The following DPYD variants were observed in gnomAD, a reference collection of about 807,000 sequenced individuals.
DPYD encodes the protein dihydropyrimidine dehydrogenase [NADP(+)].
Under a neutral mutation model 116.2 loss-of-function variants are expected in DPYD, and 109 were observed. The observed-to-expected ratio is 0.94, with a 90% confidence interval of 0.80 to 1.10. The LOEUF (loss-of-function observed/expected upper bound fraction) is 1.10. Ranked by LOEUF, DPYD falls within the 50% of genes least tolerant of loss-of-function variation. The pLI, the probability that DPYD is intolerant of heterozygous loss-of-function variation, is 0.00. For missense variants in DPYD, 1,302 were observed against 1,254.5 expected, an observed-to-expected ratio of 1.04 and a Z score of -0.57; for synonymous variants, 440 against 432.0, an observed-to-expected ratio of 1.02 and a Z score of -0.23.
Position 97,328,045 on chromosome 1 carries a change from T to C in DPYD, c.2059-21748A>G, listed in dbSNP as rs562255732. Among the ~76,000 whole-genome samples, 5 of 151,900 alleles carry C rather than the reference T, an allele frequency of 3.3e-5. No individual in the cohort carries two copies. The South Asian group carries it at 1.0e-3, about 31-fold the overall frequency. On this transcript the variant is annotated intron_variant, in intron 16 of 22. Coordinates refer to ENST00000370192, the MANE Select transcript of DPYD (RefSeq NM_000110.4). ...ACAAGGGCAACTGATGAAGGAGATATAAGTGGGTATTTCAGTTGATGCACG... is the reference window on the plus strand; with the variant it reads ...ACAAGGGCAACTGATGAAGGAGATACAAGTGGGTATTTCAGTTGATGCACG...
chr1:97,897,465 C>T (rs1309408399), intron 1 of DPYD, among the ~76,000 whole-genome samples: 1 of 151,756 alleles, frequency 6.6e-6, no homozygotes, highest in Non-Finnish European at 1.5e-5. Flanking sequence ...TTCTCTCCTC[C>T]CACTGCTTCA....
At chr1:97,338,184 CAT>C (rs1233419473) in intron 16 of DPYD, among the ~76,000 whole-genome samples, 1 of 152,042 alleles carries the variant, frequency 6.6e-6, no homozygotes, top group Admixed American at 6.6e-5. Context: ...AAATTAGATT[CAT>C]TAGAGATAAT....
chr1:97,713,167 C>A (rs1179416366), intron 5 of DPYD, among the ~76,000 whole-genome samples: 1 of 151,902 alleles, frequency 6.6e-6, no homozygotes, highest in Non-Finnish European at 1.5e-5. Flanking sequence ...CATGTTGATA[C>A]AATAATATTG....
At chr1:97,163,746 T>G (rs1040279580) in intron 20 of DPYD, among the ~76,000 whole-genome samples, 18 of 152,172 alleles carry the variant, frequency 1.2e-4, no homozygotes, top group African/African-American at 4.3e-4. Context: ...ATTCATGAGT[T>G]TGGAGCCCTC....
chr1:97,482,963 G>A (rs1238858087), intron 13 of DPYD, among the ~76,000 whole-genome samples: 1 of 152,152 alleles, frequency 6.6e-6, no homozygotes, highest in East Asian at 1.9e-4. Context: ...ATAGCAGTCT[G>A]TAATCTCATT....
At chr1:97,207,852 T>C (rs1659751628) in intron 19 of DPYD, among the ~76,000 whole-genome samples, 1 of 152,200 alleles carries the variant, frequency 6.6e-6, no homozygotes, top group South Asian at 2.1e-4. Context: ...TCAGGACTAA[T>C]GTTTTCATTT....
chr1:97,215,229 G>A (rs1303643152), intron 19 of DPYD, among the ~76,000 whole-genome samples: 1 of 152,254 alleles, frequency 6.6e-6, no homozygotes, highest in Non-Finnish European at 1.5e-5. Flanking sequence ...ATGTTCACAC[G>A]TCTAGTAAGC....
intron 3 of DPYD, among the ~76,000 whole-genome samples, chr1:97,816,794 C>T (rs545148626): frequency 6.6e-6 from 1 of 152,064 alleles, no homozygotes; most frequent in Non-Finnish European, 1.5e-5. Flanking sequence ...ACACTAATTA[C>T]TTGAAAGAGT....
chr1:97,385,151 A>G (rs1157325749), intron 14 of DPYD, among the ~76,000 whole-genome samples: 1 of 151,856 alleles, frequency 6.6e-6, no homozygotes, highest in Non-Finnish European at 1.5e-5. Context: ...CGCCCTTTCC[A>G]AGTGATCTAA....
chr1:97,125,084 A>C (rs1204743761), intron 20 of DPYD, among the ~76,000 whole-genome samples: 2 of 152,168 alleles, frequency 1.3e-5, no homozygotes, highest in African/African-American at 4.8e-5. Context: ...GATTCTTTTT[A>C]GATAAACTAA....
At chr1:97,557,865 G>A (rs1332203042) in intron 11 of DPYD, among the ~76,000 whole-genome samples, 1 of 152,164 alleles carries the variant, frequency 6.6e-6, no homozygotes, top group East Asian at 1.9e-4. Flanking sequence ...TATTTCCATA[G>A]AATATCTTAT....
intron 18 of DPYD, among the ~76,000 whole-genome samples, chr1:97,304,551 G>C (rs1325970917): frequency 6.6e-6 from 1 of 151,874 alleles, no homozygotes; most frequent in Non-Finnish European, 1.5e-5. Context: ...CTTGAACAGT[G>C]GGGCACTGTT....
intron 8 of DPYD, among the ~76,000 whole-genome samples, chr1:97,633,812 C>T (rs1657410676): frequency 6.6e-6 from 1 of 152,062 alleles, no homozygotes; most frequent in South Asian, 2.1e-4. Context: ...GGGGAAGTGG[C>T]TAGACAATAT....
intron 19 of DPYD, among the ~76,000 whole-genome samples, chr1:97,202,665 T>C (rs4112180): frequency 0.98 from 148,614 of 152,296 alleles, 72,528 homozygotes; most frequent in East Asian, 1. Flanking sequence ...GATGACACAG[T>C]TTCACTGAAG....
intron 12 of DPYD, among the ~76,000 whole-genome samples, chr1:97,547,722 C>T (rs1455192816): frequency 6.6e-6 from 1 of 151,888 alleles, no homozygotes; most frequent in Non-Finnish European, 1.5e-5. Context: ...ACTCTGTCAC[C>T]CAGGCTAGAG....
chr1:97,868,621 T>A (rs564904776), intron 2 of DPYD, among the ~76,000 whole-genome samples: 8 of 151,908 alleles, frequency 5.3e-5, no homozygotes, highest in African/African-American at 1.9e-4. Flanking sequence ...ACCATAATTA[T>A]CAAGATTTCT....
At position 97,078,922 on chromosome 1, in the gene DPYD, G is replaced by A. The variant is rs1468945797; in HGVS notation, c.*54C>T. The A allele has an allele frequency of 1.9e-6, 3 of 1,582,938 alleles. No homozygotes were observed. The highest frequency in any genetic ancestry group is 2.6e-6 in the Non-Finnish European group (3 of 1,151,920). ...GAACACAAGGATCATGATTTTAAAAGATCAGCATATGTAGGTGACATGAAA... is the reference window on the plus strand; with the variant it reads ...GAACACAAGGATCATGATTTTAAAAAATCAGCATATGTAGGTGACATGAAA... On this transcript the variant is annotated 3_prime_UTR_variant, in exon 23 of 23. Transcript: ENST00000370192.
chr1:97,094,026 T>A (rs1650062456), intron 21 of DPYD, among the ~76,000 whole-genome samples: 1 of 152,008 alleles, frequency 6.6e-6, no homozygotes, highest in Non-Finnish European at 1.5e-5. Context: ...AACAATCTTT[T>A]CCTCTACTCG....
At chr1:97,329,967 C>T (rs6689341) in intron 16 of DPYD, among the ~76,000 whole-genome samples, 147,506 of 151,676 alleles carry the variant, frequency 0.97, 71,858 homozygotes, top group East Asian at 1. Flanking sequence ...ACTTCTAGAA[C>T]ACCAAAATAT....
Sources: allele counts gnomAD v4.1 joint callset (sites outside exome capture counted in the v4.1 genomes callset), GRCh38; gene constraint gnomAD v4.1.1; transcripts MANE v1.5; gene names NCBI Gene and HGNC (gene_info 2026-07-23, HGNC 2026-07-21).